The following KLHL7 variants were observed in gnomAD, a reference collection of about 807,000 sequenced individuals.
KLHL7 encodes the protein kelch-like protein 7.
KLHL7 carries 44 observed loss-of-function variants against 67.4 expected under a neutral mutation model. The ratio of observed to expected loss-of-function variants is 0.65; its 90% CI spans 0.51 to 0.84. KLHL7 has a LOEUF of 0.84. Ranked by LOEUF, KLHL7 falls within the 40% of genes least tolerant of loss-of-function variation. The probability of loss-of-function intolerance (pLI) is 0.00; values close to 1 mark genes in which losing one functional copy is unlikely to be tolerated. For missense variants in KLHL7, 362 were observed against 718.1 expected (o/e 0.50, Z 5.67); for synonymous variants, 252 against 243.3 (o/e 1.04, Z -0.33).
chr7:23,106,041 G>T lies in KLHL7; in HGVS notation c.15G>T (p.Gly5=). The change falls in exon 1 of 11, where the codon GGG becomes GGT. Residue 5 remains glycine, a synonymous_variant. Coordinates refer to ENST00000339077, the MANE Select transcript of KLHL7 (RefSeq NM_001031710.3). MAAS[G]VEKSSKKKTE... is the part of the protein sequence containing the mutation. ...GCTGAGGGAGGATGGCAGCCTCTGG[G>T]GTGGAGAAGAGCAGCAAGAAGAAGA... The T allele has an allele frequency of 6.2e-7, 1 of 1,610,342 alleles. No individual in the cohort carries two copies.
intron 6 of KLHL7, among the ~76,000 whole-genome samples, chr7:23,147,779 C>G (rs765617756): frequency 7.9e-5 from 12 of 152,196 alleles, no homozygotes; most frequent in Non-Finnish European, 1.8e-4. Flanking sequence ...CCTAGACTTG[C>G]AGGTAGGGTA....
At chr7:23,156,360 TC>T (rs1784707092) in intron 7 of KLHL7, among the ~76,000 whole-genome samples, 1 of 152,236 alleles carries the variant, frequency 6.6e-6, no homozygotes, top group African/African-American at 2.4e-5. Context: ...AGCTGCCTCT[TC>T]CCATCCTGTA....
In KLHL7 at chr7:23,106,010, A is replaced by C. The variant is rs774807126; in HGVS notation, c.-17A>C. On this transcript the variant is annotated 5_prime_UTR_variant, in exon 1 of 11. Coordinates refer to ENST00000339077, the MANE Select transcript of KLHL7 (RefSeq NM_001031710.3). ...CCCGGCCCGGCGAGCCCCGGGCGTGAACCGAGCTGAGGGAGGATGGCAGCC... is the reference window on the plus strand; with the variant it reads ...CCCGGCCCGGCGAGCCCCGGGCGTGCACCGAGCTGAGGGAGGATGGCAGCC... 9.3e-6 allele frequency: 15 copies of C among 1,608,594 alleles called. No individual in the cohort carries two copies. The highest frequency in any genetic ancestry group is 2.2e-5 in the East Asian group (1 of 44,720).
chr7:23,164,778 G>A (rs904150387), intron 7 of KLHL7, among the ~76,000 whole-genome samples: 2 of 152,170 alleles, frequency 1.3e-5, no homozygotes, highest in Non-Finnish European at 2.9e-5. Flanking sequence ...CACTGGATAC[G>A]ATCATAGGTT....
chr7:23,163,154 A>G (rs1784897497), intron 7 of KLHL7, among the ~76,000 whole-genome samples: 1 of 151,920 alleles, frequency 6.6e-6, no homozygotes, highest in African/African-American at 2.4e-5. Flanking sequence ...TATCACTCCC[A>G]AGAAGCTTTT....
chr7:23,137,639 C>T (rs893777377), intron 4 of KLHL7, among the ~76,000 whole-genome samples: 4 of 151,304 alleles, frequency 2.6e-5, no homozygotes, highest in African/African-American at 4.8e-5. Context: ...CCAGCATGCC[C>T]GGCTAATTTT....
intron 1 of KLHL7, among the ~76,000 whole-genome samples, chr7:23,109,928 C>T (rs1026196889): frequency 1.3e-5 from 2 of 152,222 alleles, no homozygotes; most frequent in African/African-American, 4.8e-5. Context: ...TATTGTCACT[C>T]CACTGTCTCT....
chr7:23,148,466 A>G (rs1314637599), intron 6 of KLHL7, among the ~76,000 whole-genome samples: 1 of 151,948 alleles, frequency 6.6e-6, no homozygotes, highest in African/African-American at 2.4e-5. Context: ...ACCATGGTAT[A>G]AGAGAGTGTT....
rs1785247168 is a variant in KLHL7 at position 23,174,443 on chromosome 7, CT to C, written c.*149del. The C allele has an allele frequency of 1.2e-6, 1 of 804,928 alleles. No individual in the cohort carries two copies. The highest frequency in any genetic ancestry group is 2.1e-6 in the Non-Finnish European group (1 of 477,024). 49.9% of individuals were successfully genotyped at this position (804,928 alleles called of 1,614,324 possible). On this transcript the variant is annotated 3_prime_UTR_variant, in exon 11 of 11. Coordinates refer to ENST00000339077, the MANE Select transcript of KLHL7 (RefSeq NM_001031710.3). Reference sequence around the variant, plus strand: ...TGAGGTTCCTATAAAATAGATGTTTCTTTTATATGGATTTCCTTAATTCAAA... The same window carrying C: ...TGAGGTTCCTATAAAATAGATGTTTCTTTATATGGATTTCCTTAATTCAAA...
chr7:23,165,654 TA>T, intron 7 of KLHL7, 43 bp from the exon 8 acceptor site: 3 of 1,608,126 alleles, frequency 1.9e-6, no homozygotes, highest in Non-Finnish European at 1.7e-6. Flanking sequence ...TTTTCAGTTA[TA>T]TTTTTTTCCT....
chr7:23,147,831 T>G (rs1361206681), intron 6 of KLHL7, among the ~76,000 whole-genome samples: 2 of 152,248 alleles, frequency 1.3e-5, no homozygotes, highest in Non-Finnish European at 2.9e-5. Context: ...ACTGTCCATA[T>G]AAATTCTCAA....
At chr7:23,145,434 A>G (rs1159712327) in intron 6 of KLHL7, among the ~76,000 whole-genome samples, 2 of 151,944 alleles carry the variant, frequency 1.3e-5, no homozygotes, top group East Asian at 1.9e-4. Context: ...TGTATTTTCT[A>G]TATTAGAGTT....
Position 23,123,832 on chromosome 7 carries a change from GTGT to G in KLHL7, c.181_183del (p.Val61del), listed in dbSNP as rs1554286093. On this transcript the variant is annotated inframe_deletion, in exon 2 of 11. Coordinates refer to ENST00000339077, the MANE Select transcript of KLHL7 (RefSeq NM_001031710.3). ...CAGGAAAGAAAGATACCTGCTCATCGTGTTGTTCTTGCTGCAGCCAGTCATTTT... is the reference window on the plus strand; with the variant it reads ...CAGGAAAGAAAGATACCTGCTCATCGTGTTCTTGCTGCAGCCAGTCATTTT... The G allele has an allele frequency of 1.2e-6, 2 of 1,613,714 alleles. No homozygotes were observed. Among genetic ancestry groups the G allele is most frequent in the Non-Finnish European group, 1.7e-6 (2 of 1,179,882 alleles).
At chr7:23,123,325 A>G (rs936636974) in intron 1 of KLHL7, among the ~76,000 whole-genome samples, 1 of 152,332 alleles carries the variant, frequency 6.6e-6, no homozygotes, top group Non-Finnish European at 1.5e-5. Context: ...AATGCAGTGT[A>G]TGTTCTCAAT....
intron 4 of KLHL7, among the ~76,000 whole-genome samples, chr7:23,127,512 A>G (rs1264521127): frequency 6.6e-6 from 1 of 152,068 alleles, no homozygotes; most frequent in Non-Finnish European, 1.5e-5. Context: ...ATGGCTCTCA[A>G]TGTCAGCTGA....
At chr7:23,159,495 T>C (rs1784801316) in intron 7 of KLHL7, among the ~76,000 whole-genome samples, 1 of 152,058 alleles carries the variant, frequency 6.6e-6, no homozygotes, top group Non-Finnish European at 1.5e-5. Flanking sequence ...CTTTTATCTT[T>C]TTTCTAGATA....
chr7:23,124,402 T>C (rs1783485071), intron 2 of KLHL7, among the ~76,000 whole-genome samples: 1 of 150,168 alleles, frequency 6.7e-6, no homozygotes, highest in South Asian at 2.1e-4. Context: ...TTAGTACTAT[T>C]TTATGAGCTT....
At chr7:23,118,633 C>T (rs1783196760) in intron 1 of KLHL7, among the ~76,000 whole-genome samples, 2 of 152,170 alleles carry the variant, frequency 1.3e-5, no homozygotes, top group African/African-American at 4.8e-5. Flanking sequence ...TCAGTACTTA[C>T]CTTCCCAGGG....
At chr7:23,150,746 C>A (rs1784505895) in intron 6 of KLHL7, among the ~76,000 whole-genome samples, 1 of 152,200 alleles carries the variant, frequency 6.6e-6, no homozygotes, top group African/African-American at 2.4e-5. Context: ...GAAGAGAGTG[C>A]TGCCTCCCCC....
Sources: allele counts gnomAD v4.1 joint callset (sites outside exome capture counted in the v4.1 genomes callset), GRCh38; gene constraint gnomAD v4.1.1; transcripts MANE v1.5; gene names NCBI Gene and HGNC (gene_info 2026-07-23, HGNC 2026-07-21).